MGST1: variants seen among roughly 807,000 people sequenced by gnomAD.
MGST1 encodes the protein glutathione S-transferase 12.
Under a neutral mutation model 8.9 loss-of-function variants are expected in MGST1, and 5 were observed. The observed-to-expected ratio is 0.56, with a 90% CI of 0.29 to 1.19. MGST1 has a LOEUF of 1.19. Among genes scored for constraint, MGST1 ranks in the 50% most tolerant of loss-of-function variants. MGST1 has a pLI of 0.08. For missense variants in MGST1, 182 were observed against 187.4 expected (o/e 0.97, Z 0.17); for synonymous variants, 54 against 67.8 (o/e 0.80, Z 1.00).
Position 16,444,188 on chromosome 12 carries a change from T to TG in MGST1, n.482+60584_482+60585insG, listed in dbSNP as rs1269743854. ...CAGGTCTATTGGCTGATTTGGTTTT[T>TG]TTTTTTTTTTTTTTTGTCTACTTGG... On this transcript the variant is annotated intron_variant and non_coding_transcript_variant, in intron 4 of 4. Coordinates refer to the MGST1 transcript ENST00000538857. 2.0e-5 allele frequency among the ~76,000 whole-genome samples: 3 copies of TG among 151,068 alleles called. 1 individual carries two copies. The highest frequency in any genetic ancestry group is 4.4e-5 in the Non-Finnish European group (3 of 67,626).
At chr12:16,349,935 G>A (rs1939385849) in intron 1 of MGST1, among the ~76,000 whole-genome samples, 1 of 151,900 alleles carries the variant, frequency 6.6e-6, no homozygotes, top group Non-Finnish European at 1.5e-5. Context: ...TAATAGAGAC[G>A]GGGTTTCACC....
intron 4 of MGST1, among the ~76,000 whole-genome samples, chr12:16,483,014 T>G (rs1000608894): frequency 6.6e-6 from 1 of 152,216 alleles, no homozygotes; most frequent in African/African-American, 2.4e-5. Context: ...AAAACAGCTT[T>G]ATGTGGATAG....
Position 16,401,114 on chromosome 12 carries a change from C to T in MGST1, n.778+17510C>T. On this transcript the variant is annotated intron_variant and non_coding_transcript_variant, in intron 1 of 1. Transcript: ENST00000359720. This position sits in a 1 kb window ranked among gnomAD's most constrained non-coding sequence, Gnocchi z 4.3. ...TCTTTCTCCTCCTCCTCCTTTTCCT[C>T]ATCTTCGTTCCTTAGGAAAATACCC... 2 of 1,578,784 alleles carry T rather than the reference C, an allele frequency of 1.3e-6. No individual in the cohort carries two copies. Among genetic ancestry groups the T allele is most frequent in the Non-Finnish European group, 1.7e-6 (2 of 1,148,484 alleles).
At chr12:16,416,882 G>A (rs192588569) in intron 1 of MGST1, among the ~76,000 whole-genome samples, 28 of 152,268 alleles carry the variant, frequency 1.8e-4, no homozygotes, top group African/African-American at 6.7e-4. Flanking sequence ...TGTAGAATTT[G>A]CATTCCTCAT....
intron 4 of MGST1, among the ~76,000 whole-genome samples, chr12:16,545,086 T>A (rs1941815526): frequency 6.6e-6 from 1 of 152,078 alleles, no homozygotes; most frequent in Non-Finnish European, 1.5e-5. Context: ...AATGGCCCAT[T>A]GTGAGAATTT....
At chr12:16,527,508 C>G (rs1001748599) in intron 4 of MGST1, among the ~76,000 whole-genome samples, 5 of 151,920 alleles carry the variant, frequency 3.3e-5, no homozygotes, top group African/African-American at 7.2e-5. Context: ...ATGGAGCAGG[C>G]AGGAGATTAT....
intron 4 of MGST1, among the ~76,000 whole-genome samples, chr12:16,554,952 G>A (rs995699226): frequency 6.6e-6 from 1 of 152,110 alleles, no homozygotes; most frequent in Non-Finnish European, 1.5e-5. Flanking sequence ...ATTAGCCACC[G>A]CGCCCGGCCA....
intron 4 of MGST1, among the ~76,000 whole-genome samples, chr12:16,466,841 CCTCT>C (rs891316495): frequency 6.6e-5 from 10 of 151,956 alleles, no homozygotes; most frequent in African/African-American, 2.4e-4. Context: ...TTTGAAATTT[CCTCT>C]CTTTTTTTCC....
chr12:16,574,522 C>T (rs1009078625), intron 4 of MGST1, among the ~76,000 whole-genome samples: 2 of 152,142 alleles, frequency 1.3e-5, no homozygotes, highest in African/African-American at 2.4e-5. Flanking sequence ...GTCTTTCTGA[C>T]AGGTTCAAAG....
At chr12:16,393,343 C>T (rs1940570652) in intron 1 of MGST1, among the ~76,000 whole-genome samples, 2 of 152,168 alleles carry the variant, frequency 1.3e-5, no homozygotes, top group South Asian at 4.1e-4. Context: ...CCTGCAGTTT[C>T]CTTCCTCATT....
Position 16,410,642 on chromosome 12 carries a change from C to T in MGST1, n.779-26746C>T, listed in dbSNP as rs1397608840. On this transcript the variant is annotated intron_variant and non_coding_transcript_variant, in intron 1 of 1. Coordinates refer to the MGST1 transcript ENST00000359720. The surrounding 1 kb of genome is among the most constrained non-coding windows in gnomAD (Gnocchi z 4.4). The stretch of plus-strand genomic sequence containing the variant: ...AATATTAATATATGTATATGTAATA[C>T]ATATATTATATATAAACATACATAA... 2.7e-5 allele frequency among the ~76,000 whole-genome samples: 4 copies of T among 146,406 alleles called. No homozygotes were observed. The East Asian group carries it at 7.9e-4, about 29-fold the overall frequency.
chr12:16,376,199 A>C (rs924131262), exon 4 of MGST1: 5 of 872,896 alleles, frequency 5.7e-6, no homozygotes, highest in Non-Finnish European at 8.7e-6. Flanking sequence ...CTGATGAAGA[A>C]GAAATGTTTC....
At chr12:16,437,889 T>A (rs1469755353) in exon 2 of MGST1, 1 of 151,834 alleles carries the variant, frequency 6.6e-6, no homozygotes, top group African/African-American at 2.4e-5. Flanking sequence ...CCCCTCTGAA[T>A]CAAGTATTTT....
intron 1 of MGST1, among the ~76,000 whole-genome samples, chr12:16,425,568 G>T (rs931484305): frequency 2.0e-5 from 3 of 152,148 alleles, no homozygotes; most frequent in Non-Finnish European, 4.4e-5. Context: ...ACAAGTGTGG[G>T]CCACCGTGCT....
chr12:16,590,118 TTTAAAC>T (rs1943444361), downstream of MGST1, among the ~76,000 whole-genome samples: 1 of 152,050 alleles, frequency 6.6e-6, no homozygotes, highest in African/African-American at 2.4e-5. Context: ...GTACCCAAAG[TTTAAAC>T]TTAAACATTT....
intron 4 of MGST1, chr12:16,551,114 A>AT (rs1255152609): frequency 2.0e-5 from 14 of 717,268 alleles, no homozygotes; most frequent in Non-Finnish European, 3.0e-5. Context: ...CTGCCTTCCT[A>AT]TATCTACGCT....
At position 16,485,019 on chromosome 12, in the gene MGST1, T is replaced by C. The variant is rs184286308; in HGVS notation, n.482+101415T>C. Among the ~76,000 whole-genome samples, 210 of 152,358 alleles carry C rather than the reference T, an allele frequency of 1.4e-3. 3 individuals carry two copies. The highest frequency in any genetic ancestry group is 8.3e-4 in the South Asian group (4 of 4,832). On this transcript the variant is annotated intron_variant and non_coding_transcript_variant, in intron 4 of 4. Coordinates refer to the MGST1 transcript ENST00000538857. The stretch of plus-strand genomic sequence containing the variant: ...GCTCATTACTACATCAAAATCGTTC[T>C]TGCTACAGTTAACAATATTCTATGC...
At position 16,576,474 on chromosome 12, in the gene MGST1, T is replaced by C. The variant is rs1051943076; in HGVS notation, n.483-13054T>C. Among the ~76,000 whole-genome samples the C allele has an allele frequency of 5.3e-5, 8 of 152,284 alleles. No individual in the cohort carries two copies. The highest frequency in any genetic ancestry group is 1.4e-4 in the African/African-American group (6 of 41,558). On this transcript the variant is annotated intron_variant and non_coding_transcript_variant, in intron 4 of 4. Coordinates refer to the MGST1 transcript ENST00000538857. The surrounding 1 kb of genome is among the most constrained non-coding windows in gnomAD (Gnocchi z 4.1). ...CATATTCAGATCAAATGTCAATGGA[T>C]CTATGAAGCCTCTCTGATTTCCTTG...
chr12:16,469,260 A>G (rs1382284199), intron 4 of MGST1, among the ~76,000 whole-genome samples: 1 of 133,638 alleles, frequency 7.5e-6, no homozygotes, highest in Non-Finnish European at 1.5e-5. Context: ...CTTGGCTCTC[A>G]CTGCAACCTC....
Sources: allele counts gnomAD v4.1 joint callset (sites outside exome capture counted in the v4.1 genomes callset), GRCh38; gene constraint gnomAD v4.1.1; non-coding constraint Gnocchi (gnomAD v3.1); transcripts MANE v1.5; gene names NCBI Gene and HGNC (gene_info 2026-07-23, HGNC 2026-07-21).